OPCML: variants seen among roughly 807,000 people sequenced by gnomAD.
OPCML encodes the protein opioid binding protein/cell adhesion molecule like.
A neutral mutation model predicts 37.8 loss-of-function variants in OPCML; 13 were observed. The ratio of observed to expected loss-of-function variants is 0.34; its 90% confidence interval spans 0.22 to 0.55. The LOEUF (loss-of-function observed/expected upper bound fraction) is 0.55, where lower values mean the gene tolerates loss of function less well. Ranked by LOEUF, OPCML falls within the 20% of genes least tolerant of loss-of-function variation. The pLI, the probability that OPCML is intolerant of heterozygous loss-of-function variation, is 0.91. For synonymous variants in OPCML, 176 were observed against 168.8 expected, an observed-to-expected ratio of 1.04 and a Z score of -0.33; for missense variants, 341 against 435.6, an observed-to-expected ratio of 0.78 and a Z score of 1.93.
At chr11:132,873,320 T>G (rs61508241) in intron 2 of OPCML, among the ~76,000 whole-genome samples, 3,691 of 152,328 alleles carry the variant, frequency 0.024, 129 homozygotes, top group African/African-American at 0.082. Context: ...TAGTCTGTGA[T>G]AAGTCTAGAA....
At chr11:133,262,454 A>T (rs1407345183) in intron 1 of OPCML, among the ~76,000 whole-genome samples, 1 of 152,232 alleles carries the variant, frequency 6.6e-6, no homozygotes. Context: ...ACACCATCTA[A>T]CAGGCATTCC....
chr11:132,447,420 T>A (rs988800417), intron 4 of OPCML, among the ~76,000 whole-genome samples: 1 of 151,846 alleles, frequency 6.6e-6, no homozygotes, highest in Non-Finnish European at 1.5e-5. Flanking sequence ...TGCCTCAGCC[T>A]CCTGAATACC....
At chr11:133,429,009 ATGAAATG>A (rs1288953468) in intron 1 of OPCML, among the ~76,000 whole-genome samples, 1 of 152,240 alleles carries the variant, frequency 6.6e-6, no homozygotes, top group African/African-American at 2.4e-5. Context: ...GTGCAAAGAG[ATGAAATG>A]TGAGTAGAAT....
At chr11:132,502,367 T>A (rs1337493730) in intron 4 of OPCML, among the ~76,000 whole-genome samples, 1 of 152,234 alleles carries the variant, frequency 6.6e-6, no homozygotes, top group Non-Finnish European at 1.5e-5. Context: ...CATCCTCTTT[T>A]TAAGCATTAA....
intron 2 of OPCML, among the ~76,000 whole-genome samples, chr11:132,714,045 T>A (rs1291725113): frequency 1.3e-5 from 2 of 152,242 alleles, no homozygotes; most frequent in Admixed American, 6.5e-5. Context: ...AATTTGAAAT[T>A]GTTTATGAAA....
At chr11:133,331,002 C>G (rs1214856112) in intron 1 of OPCML, among the ~76,000 whole-genome samples, 2 of 152,112 alleles carry the variant, frequency 1.3e-5, no homozygotes, top group African/African-American at 4.8e-5. Context: ...GAACCCAAGT[C>G]CAAGTTATTA....
chr11:132,826,048 A>T (rs968623559), intron 2 of OPCML, among the ~76,000 whole-genome samples: 2 of 152,212 alleles, frequency 1.3e-5, no homozygotes, highest in Non-Finnish European at 2.9e-5. Context: ...AGGTGCAAAG[A>T]CGTGGCTACT....
At chr11:133,054,032 C>T (rs565581217) in intron 1 of OPCML, among the ~76,000 whole-genome samples, 9 of 152,292 alleles carry the variant, frequency 5.9e-5, no homozygotes, top group Non-Finnish European at 4.4e-5. Flanking sequence ...AGGCTAAAAC[C>T]CTAGATGTCA....
chr11:132,861,310 T>G (rs1241601659), intron 2 of OPCML, among the ~76,000 whole-genome samples: 1 of 152,204 alleles, frequency 6.6e-6, no homozygotes. Flanking sequence ...ATTTATTAGC[T>G]AAGGGACACC....
In OPCML at chr11:133,444,123, C is replaced by T. The variant is rs79632307; in HGVS notation, c.61+88141G>A. 1.2e-3 allele frequency among the ~76,000 whole-genome samples: 190 copies of T among 152,160 alleles called. 1 individual carries two copies. The East Asian group carries it at 0.03, about 24-fold the overall frequency. Reference sequence around the variant, plus strand: ...GAGACACGGCCTTTTCTAAATGCTTCTCCATGTCTCAAGTAGAAGCAGCAG... The same window carrying T: ...GAGACACGGCCTTTTCTAAATGCTTTTCCATGTCTCAAGTAGAAGCAGCAG... On this transcript the variant is annotated intron_variant, in intron 1 of 7. Transcript: ENST00000524381.
chr11:132,672,000 G>A (rs1323612967), intron 2 of OPCML, among the ~76,000 whole-genome samples: 2 of 152,146 alleles, frequency 1.3e-5, no homozygotes, highest in African/African-American at 4.8e-5. Flanking sequence ...ACTGACTACA[G>A]ATTCCTGTTA....
intron 1 of OPCML, among the ~76,000 whole-genome samples, chr11:133,331,134 A>G (rs553569661): frequency 6.6e-6 from 1 of 152,340 alleles, no homozygotes. Context: ...CTCTATTATT[A>G]TAGAAAGTTC....
chr11:132,576,166 T>C (rs2096450142), intron 3 of OPCML, among the ~76,000 whole-genome samples: 1 of 152,172 alleles, frequency 6.6e-6, no homozygotes, highest in African/African-American at 2.4e-5. Context: ...TGTTACTTTT[T>C]GGTATCTTGG....
intron 1 of OPCML, among the ~76,000 whole-genome samples, chr11:133,037,119 A>G (rs1275630461): frequency 2.6e-5 from 4 of 152,198 alleles, no homozygotes; most frequent in Admixed American, 6.5e-5. Flanking sequence ...CATTGAGGAT[A>G]GTGAAAGGCT....
chr11:133,214,744 A>G (rs937971184), intron 1 of OPCML, among the ~76,000 whole-genome samples: 3 of 152,176 alleles, frequency 2.0e-5, no homozygotes, highest in Admixed American at 2.0e-4. Context: ...AGAGTAAACA[A>G]ATTGAATACT....
At chr11:133,283,432 T>G (rs2136514465) in intron 1 of OPCML, among the ~76,000 whole-genome samples, 1 of 150,492 alleles carries the variant, frequency 6.6e-6, no homozygotes, top group Admixed American at 6.6e-5. Flanking sequence ...CCCACACTGC[T>G]TAGCTCTCTG....
intron 1 of OPCML, among the ~76,000 whole-genome samples, chr11:132,950,331 C>T (rs1477064898): frequency 6.6e-6 from 1 of 152,068 alleles, no homozygotes. Flanking sequence ...GGGTGCATTC[C>T]TGAAGAATAG....
chr11:133,394,642 A>C (rs1202781792), intron 1 of OPCML, among the ~76,000 whole-genome samples: 1 of 148,508 alleles, frequency 6.7e-6, no homozygotes, highest in East Asian at 1.9e-4. Flanking sequence ...CCTACAAATA[A>C]ATGAGAACAT....
intron 2 of OPCML, among the ~76,000 whole-genome samples, chr11:132,783,224 G>A (rs1014968889): frequency 6.6e-6 from 1 of 152,082 alleles, no homozygotes; most frequent in African/African-American, 2.4e-5. Flanking sequence ...TGGGGATTCG[G>A]AGCTGAGTAG....
Sources: allele counts gnomAD v4.1 joint callset (sites outside exome capture counted in the v4.1 genomes callset), GRCh38; gene constraint gnomAD v4.1.1; transcripts MANE v1.5; gene names NCBI Gene and HGNC (gene_info 2026-07-23, HGNC 2026-07-21).